Variants in HS2ST1 observed in about 807,000 individuals in gnomAD.
HS2ST1 encodes heparan sulfate 2-O-sulfotransferase 1.
Under a neutral mutation model 42.9 loss-of-function variants are expected in HS2ST1, and 18 were observed. The ratio of observed to expected loss-of-function variants is 0.42; its 90% confidence interval spans 0.29 to 0.62. The LOEUF (loss-of-function observed/expected upper bound fraction) is 0.62, where lower values mean the gene tolerates loss of function less well. Ranked by LOEUF, HS2ST1 falls within the 20% of genes least tolerant of loss-of-function variation. The pLI is 0.21. For missense variants in HS2ST1, 334 were observed against 433.8 expected (o/e 0.77, Z 2.04); for synonymous variants, 146 against 152.9 (o/e 0.95, Z 0.33).
intron 1 of HS2ST1, among the ~76,000 whole-genome samples, chr1:87,037,855 T>C (rs1165000748): frequency 6.6e-6 from 1 of 152,024 alleles, no homozygotes; most frequent in Non-Finnish European, 1.5e-5. Context: ...TTAACTGCTA[T>C]GTAGCATATA....
chr1:86,996,702 G>C (rs1649113290), intron 1 of HS2ST1, among the ~76,000 whole-genome samples: 1 of 152,144 alleles, frequency 6.6e-6, no homozygotes, highest in Non-Finnish European at 1.5e-5. Flanking sequence ...CCAGCAAAAA[G>C]AGACAGCAGA....
chr1:86,940,993 AG>A (rs1660748342), intron 1 of HS2ST1, among the ~76,000 whole-genome samples: 1 of 152,202 alleles, frequency 6.6e-6, no homozygotes, highest in Non-Finnish European at 1.5e-5. Flanking sequence ...TCTCAAAAAA[AG>A]AAAAAACACA....
intron 1 of HS2ST1, chr1:87,044,973 A>G (rs1359519182): frequency 4.4e-6 from 7 of 1,597,966 alleles, no homozygotes; most frequent in African/African-American, 1.3e-5. Flanking sequence ...CTTCTGTTCT[A>G]TACGTGACCT....
rs556086689 is a variant in HS2ST1 at position 87,103,563 on chromosome 1, G to A, written c.818G>A (p.Arg273Lys). Residue 273 changes from arginine (R) to lysine (K), a missense_variant, in exon 6 of 7, where the codon AGG (arginine) becomes AAG (lysine). Physicochemically the swap from Arg to Lys is conservative, Grantham distance 26. Coordinates refer to ENST00000370550, the MANE Select transcript of HS2ST1 (RefSeq NM_012262.4). ...GAGGCAGCATTGCCCCGGTTTTTCA[G>A]GGGTGCTACTGAACTCTATCGCACA... ...LLEAALPRFF[R>K]GATELYRTGK... 17 of 1,610,944 alleles carry A rather than the reference G, an allele frequency of 1.1e-5. No individual in the cohort carries two copies. The highest frequency in any genetic ancestry group is 1.4e-5 in the Non-Finnish European group (16 of 1,178,780).
intron 1 of HS2ST1, among the ~76,000 whole-genome samples, chr1:87,069,721 A>T (rs1651351828): frequency 6.6e-6 from 1 of 152,202 alleles, no homozygotes; most frequent in Non-Finnish European, 1.5e-5. Flanking sequence ...AATGCATGTA[A>T]ATACTATTTG....
intron 1 of HS2ST1, among the ~76,000 whole-genome samples, chr1:86,990,028 G>A (rs10747333): frequency 0.98 from 149,662 of 152,046 alleles, 73,705 homozygotes; most frequent in Middle Eastern, 1. Flanking sequence ...CAGTAAACAT[G>A]TGTGTGCATG....
chr1:86,974,525 T>C (rs1648336584), intron 1 of HS2ST1, among the ~76,000 whole-genome samples: 1 of 152,192 alleles, frequency 6.6e-6, no homozygotes, highest in African/African-American at 2.4e-5. Context: ...AAATGGAGGA[T>C]GTCATGGAAA....
Position 86,994,255 on chromosome 1 carries a change from A to G in HS2ST1, c.125-78679A>G, listed in dbSNP as rs552066609. Among the ~76,000 whole-genome samples the G allele has an allele frequency of 2.2e-4, 33 of 152,280 alleles. No individual in the cohort carries two copies. In the South Asian group the frequency reaches 6.8e-3, roughly 32 times the overall value. ...TTCAGTATGATTGCATTTCCTCCTGATGCAATTTGATAAACTTGTGTTTGT... is the reference window on the plus strand; with the variant it reads ...TTCAGTATGATTGCATTTCCTCCTGGTGCAATTTGATAAACTTGTGTTTGT... On this transcript the variant is annotated intron_variant, in intron 1 of 6. Transcript: ENST00000370550.
rs1652345178 is a variant in HS2ST1 at position 87,107,167 on chromosome 1, T to C, written c.*2471T>C. ...TATTTATGGAGAAATCCTCTTTGTG[T>C]CTCTACTCTAGATGCCTAAAAGAGT... On this transcript the variant is annotated 3_prime_UTR_variant, in exon 7 of 7. Transcript: ENST00000370550. 1 of 152,074 alleles carries C rather than the reference T, an allele frequency of 6.6e-6. No homozygotes were observed. Among genetic ancestry groups the C allele is most frequent in the Admixed American group, 6.6e-5 (1 of 15,246 alleles). 9.4% of individuals were successfully genotyped at this position (152,074 alleles called of 1,614,324 possible).
chr1:86,998,821 A>T (rs1649186062), intron 1 of HS2ST1, among the ~76,000 whole-genome samples: 1 of 152,188 alleles, frequency 6.6e-6, no homozygotes, highest in African/African-American at 2.4e-5. Context: ...TTCATCTAAA[A>T]CTTTGCTACT....
chr1:86,965,958 C>G (rs1050689303), intron 1 of HS2ST1, among the ~76,000 whole-genome samples: 3 of 152,176 alleles, frequency 2.0e-5, no homozygotes, highest in African/African-American at 4.8e-5. Flanking sequence ...GTTTGGTTTT[C>G]TGTTTCTCAA....
At chr1:86,973,399 T>C (rs963824344) in intron 1 of HS2ST1, among the ~76,000 whole-genome samples, 4 of 152,048 alleles carry the variant, frequency 2.6e-5, no homozygotes, top group African/African-American at 9.7e-5. Flanking sequence ...AAGATGTAAA[T>C]CTTGTAGTAT....
At chr1:87,034,736 G>T (rs1041508596) in intron 1 of HS2ST1, among the ~76,000 whole-genome samples, 2 of 152,230 alleles carry the variant, frequency 1.3e-5, no homozygotes, top group East Asian at 3.9e-4. Context: ...AGAGTAATAG[G>T]ATTAGTAATC....
At chr1:86,963,877 G>A (rs553364752) in intron 1 of HS2ST1, among the ~76,000 whole-genome samples, 17 of 149,096 alleles carry the variant, frequency 1.1e-4, no homozygotes, top group African/African-American at 1.7e-4. Flanking sequence ...CTGGCCGGGC[G>A]GGGCGGCTGG....
At chr1:87,016,864 G>GT (rs5775931) in intron 1 of HS2ST1, among the ~76,000 whole-genome samples, 208 of 149,000 alleles carry the variant, frequency 1.4e-3, no homozygotes, top group African/African-American at 4.7e-3. Flanking sequence ...TGGTTATTGG[G>GT]TTTTTTTTTT....
intron 1 of HS2ST1, among the ~76,000 whole-genome samples, chr1:87,056,172 G>C (rs547053389): frequency 4.6e-5 from 7 of 152,254 alleles, no homozygotes; most frequent in African/African-American, 1.7e-4. Context: ...CTCACTCTCT[G>C]AGGACTACAT....
At chr1:87,056,773 A>G (rs912820742) in intron 1 of HS2ST1, among the ~76,000 whole-genome samples, 1 of 152,198 alleles carries the variant, frequency 6.6e-6, no homozygotes, top group African/African-American at 2.4e-5. Flanking sequence ...CCGTATACCA[A>G]TATTTTTCAA....
chr1:86,937,979 T>G (rs1456706376), intron 1 of HS2ST1, among the ~76,000 whole-genome samples: 1 of 152,198 alleles, frequency 6.6e-6, no homozygotes, highest in African/African-American at 2.4e-5. Flanking sequence ...TTGCCCTTTA[T>G]TACATGTGTA....
chr1:86,937,259 C>T (rs1244628887), intron 1 of HS2ST1, among the ~76,000 whole-genome samples: 1 of 152,160 alleles, frequency 6.6e-6, no homozygotes, highest in Non-Finnish European at 1.5e-5. Context: ...CACCTTCCTC[C>T]CTCCTTCCTT....
Sources: gnomAD v4.1 joint callset for allele counts (sites outside exome capture counted in the v4.1 genomes callset) on GRCh38, gnomAD v4.1.1 for gene constraint, MANE v1.5 for transcripts, NCBI Gene and HGNC (gene_info 2026-07-23, HGNC 2026-07-21) for gene names.